Variants in DPP10 observed in about 807,000 individuals in gnomAD.
DPP10 encodes the protein dipeptidyl peptidase like 10.
A neutral mutation model predicts 120.9 loss-of-function variants in DPP10; 33 were observed. The ratio of observed to expected loss-of-function variants is 0.27; its 90% CI spans 0.21 to 0.37. The LOEUF is 0.37. Ranked by LOEUF, DPP10 falls within the 10% of genes least tolerant of loss-of-function variation. The pLI, the probability that DPP10 is intolerant of heterozygous loss-of-function variation, is 1.00. For missense variants in DPP10, 816 were observed against 942.8 expected (o/e 0.87, Z 1.76); for synonymous variants, 337 against 326.1 (o/e 1.03, Z -0.36).
chr2:114,876,262 G>A (rs1334935771), intron 1 of DPP10, among the ~76,000 whole-genome samples: 1 of 152,088 alleles, frequency 6.6e-6, no homozygotes, highest in Non-Finnish European at 1.5e-5. Context: ...TATTTATAAT[G>A]GCATCACCAG....
At chr2:114,525,952 A>G (rs1283360802) in intron 1 of DPP10, among the ~76,000 whole-genome samples, 1 of 152,106 alleles carries the variant, frequency 6.6e-6, no homozygotes, top group Non-Finnish European at 1.5e-5. Context: ...GTCTCCCTCT[A>G]TTTAGGCACA....
At chr2:114,900,554 G>C (rs1367000411) in intron 1 of DPP10, among the ~76,000 whole-genome samples, 2 of 152,140 alleles carry the variant, frequency 1.3e-5, no homozygotes, top group Non-Finnish European at 2.9e-5. Context: ...TGACTGGGTT[G>C]TTTGTCTTCT....
chr2:115,535,837 T>C (rs1241156083), intron 5 of DPP10, among the ~76,000 whole-genome samples: 1 of 152,122 alleles, frequency 6.6e-6, no homozygotes, highest in East Asian at 1.9e-4. Flanking sequence ...ACCTCCCTTG[T>C]AAGTTGGATT....
chr2:114,995,396 C>G lies in DPP10; in HGVS notation c.61-313843C>G, dbSNP rs181876891. On this transcript the variant is annotated intron_variant, in intron 1 of 25. Coordinates refer to ENST00000410059, the MANE Select transcript of DPP10 (RefSeq NM_020868.6). ...CTATTACATTTTGGTTGAATTGAACCTGTTGAATGCCGTTATTGTTCCTTT... is the reference window on the plus strand; with the variant it reads ...CTATTACATTTTGGTTGAATTGAACGTGTTGAATGCCGTTATTGTTCCTTT... 2.5e-3 allele frequency among the ~76,000 whole-genome samples: 364 copies of G among 145,270 alleles called. 3 individuals are homozygous for G. Among genetic ancestry groups the G allele is most frequent in the Non-Finnish European group, 3.4e-3 (229 of 66,762 alleles).
chr2:114,605,770 T>C (rs912013080), intron 1 of DPP10, among the ~76,000 whole-genome samples: 2 of 152,200 alleles, frequency 1.3e-5, no homozygotes, highest in African/African-American at 4.8e-5. Context: ...AACTTAAGGA[T>C]GACAGAATGA....
intron 1 of DPP10, among the ~76,000 whole-genome samples, chr2:114,970,778 T>C (rs188240386): frequency 6.6e-6 from 1 of 152,336 alleles, no homozygotes; most frequent in Admixed American, 6.5e-5. Flanking sequence ...CCAAGATTAT[T>C]GATCTCCAGG....
At chr2:115,433,467 G>A (rs2071198996) in intron 3 of DPP10, among the ~76,000 whole-genome samples, 1 of 151,912 alleles carries the variant, frequency 6.6e-6, no homozygotes, top group South Asian at 2.1e-4. Flanking sequence ...GTGTGTGTGT[G>A]CATATACATA....
At chr2:114,984,851 C>G (rs1700301128) in intron 1 of DPP10, among the ~76,000 whole-genome samples, 1 of 152,088 alleles carries the variant, frequency 6.6e-6, no homozygotes, top group African/African-American at 2.4e-5. Flanking sequence ...CTATTCCAAT[C>G]TGTGGTCCTC....
Position 114,502,815 on chromosome 2 carries a change from C to T in DPP10, c.60+59977C>T, listed in dbSNP as rs969272217. Among the ~76,000 whole-genome samples the T allele has an allele frequency of 7.9e-5, 12 of 152,296 alleles. No individual in the cohort carries two copies. In the East Asian group the frequency reaches 2.3e-3, roughly 29 times the overall value. ...CCCACGATCAAGTGACTCATACTTTCACATGAATTTTTGAAAACTTTAAAT... is the reference window on the plus strand; with the variant it reads ...CCCACGATCAAGTGACTCATACTTTTACATGAATTTTTGAAAACTTTAAAT... On this transcript the variant is annotated intron_variant, in intron 1 of 25. Transcript: ENST00000410059.
intron 1 of DPP10, among the ~76,000 whole-genome samples, chr2:114,573,520 G>A (rs559131784): frequency 2.3e-4 from 35 of 152,174 alleles, no homozygotes; most frequent in Non-Finnish European, 2.6e-4. Context: ...AAGGAAAAGA[G>A]AAAGATATGG....
chr2:115,593,639 T>C (rs1338772804), intron 5 of DPP10, among the ~76,000 whole-genome samples: 1 of 152,194 alleles, frequency 6.6e-6, no homozygotes, highest in East Asian at 1.9e-4. Context: ...GACTAAAATG[T>C]AGAGAAAAAA....
At position 115,041,587 on chromosome 2, in the gene DPP10, T is replaced by C. The variant is rs142388429; in HGVS notation, c.61-267652T>C. On this transcript the variant is annotated intron_variant, in intron 1 of 25. Transcript: ENST00000410059. Reference sequence around the variant, plus strand: ...TTATGCATTAACAATCTGTATTCTATGTACATTTTTCATAGTAACAGCAAT... The same window carrying C: ...TTATGCATTAACAATCTGTATTCTACGTACATTTTTCATAGTAACAGCAAT... Among the ~76,000 whole-genome samples the C allele has an allele frequency of 4.6e-3, 706 of 152,326 alleles. 10 individuals are homozygous for C. The highest frequency in any genetic ancestry group is 7.5e-3 in the South Asian group (36 of 4,830).
At chr2:115,183,939 C>T (rs1262106826) in intron 1 of DPP10, among the ~76,000 whole-genome samples, 5 of 152,230 alleles carry the variant, frequency 3.3e-5, no homozygotes, top group East Asian at 3.9e-4. Context: ...ATGGAAAGAA[C>T]GCTAGTTGCA....
At chr2:115,029,890 C>A (rs999978772) in intron 1 of DPP10, among the ~76,000 whole-genome samples, 1 of 152,164 alleles carries the variant, frequency 6.6e-6, no homozygotes, top group African/African-American at 2.4e-5. Context: ...CACTCAATGA[C>A]CTGTGAATTA....
chr2:114,536,101 T>C (rs150880484), intron 1 of DPP10, among the ~76,000 whole-genome samples: 1 of 152,114 alleles, frequency 6.6e-6, no homozygotes, highest in East Asian at 1.9e-4. Flanking sequence ...TCTTTACCCA[T>C]GGAGAGTCCT....
intron 5 of DPP10, among the ~76,000 whole-genome samples, chr2:115,631,744 G>A (rs2085890598): frequency 6.6e-6 from 1 of 152,138 alleles, no homozygotes. Flanking sequence ...TTGATCCTAA[G>A]TTCTAATTTG....
chr2:115,445,094 C>T (rs753314272), intron 3 of DPP10, among the ~76,000 whole-genome samples: 1 of 152,120 alleles, frequency 6.6e-6, no homozygotes, highest in East Asian at 1.9e-4. Flanking sequence ...CTCTCTCTTT[C>T]CTGTCACCTT....
intron 1 of DPP10, among the ~76,000 whole-genome samples, chr2:114,800,706 G>A (rs764897411): frequency 6.6e-6 from 1 of 152,118 alleles, no homozygotes; most frequent in Non-Finnish European, 1.5e-5. Context: ...TTGCTTCTCC[G>A]GTTTTATACA....
At chr2:115,510,510 G>A (rs1259201384) in intron 4 of DPP10, among the ~76,000 whole-genome samples, 1 of 151,956 alleles carries the variant, frequency 6.6e-6, no homozygotes, top group Admixed American at 6.6e-5. Context: ...TAATCTATAT[G>A]TTTATCCTTA....
Sources: gnomAD v4.1 joint callset for allele counts (sites outside exome capture counted in the v4.1 genomes callset) on GRCh38, gnomAD v4.1.1 for gene constraint, MANE v1.5 for transcripts, NCBI Gene and HGNC (gene_info 2026-07-23, HGNC 2026-07-21) for gene names.